Variants in GSTM5 observed in about 807,000 individuals in gnomAD.
GSTM5 encodes GST class-mu 5.
In GSTM5, 24 loss-of-function variants were observed where a neutral mutation model predicts 29.0. The observed-to-expected ratio is 0.83, with a 90% confidence interval of 0.60 to 1.16. The LOEUF (loss-of-function observed/expected upper bound fraction) is 1.16. GSTM5 is among the 50% of genes most tolerant of loss of function. The pLI, the probability that GSTM5 is intolerant of heterozygous loss-of-function variation, is 0.00. For synonymous variants in GSTM5, 91 were observed against 93.6 expected (o/e 0.97, Z 0.16); for missense variants, 290 against 263.0 (o/e 1.10, Z -0.71).
Position 109,717,606 on chromosome 1 carries a change from T to A in GSTM5, c.*180T>A. 1 of 558,488 alleles carries A rather than the reference T, an allele frequency of 1.8e-6. No individual in the cohort carries two copies. The highest frequency in any genetic ancestry group is 2.0e-5 in the South Asian group (1 of 49,488). The allele number at this position is 558,488 out of a possible 1,614,324, so 34.6% of individuals were successfully genotyped here. A position where few individuals can be genotyped will look rare whatever the true frequency, so the allele number is the denominator to read the frequency against. On this transcript the variant is annotated 3_prime_UTR_variant, in exon 8 of 8. Coordinates refer to ENST00000256593, the MANE Select transcript of GSTM5 (RefSeq NM_000851.4). Reference sequence around the variant, plus strand: ...TCATCCCTCCCCGCATCGAGGCTCTTTAAAGCTTCAGCTCCCCACTGTCCT... The same window carrying A: ...TCATCCCTCCCCGCATCGAGGCTCTATAAAGCTTCAGCTCCCCACTGTCCT...
At chr1:109,713,097 T>C (rs2101312487) in intron 2 of GSTM5, 22 bp from the exon 3 acceptor site, 2 of 1,612,168 alleles carry the variant, frequency 1.2e-6, no homozygotes, top group South Asian at 2.2e-5. Flanking sequence ...GGAGGTTTGT[T>C]TTCACTTCTT....
chr1:109,712,517 C>G (rs1648589387), intron 1 of GSTM5, 101 bp from the exon 2 acceptor site: 8 of 1,423,160 alleles, frequency 5.6e-6, no homozygotes, highest in Non-Finnish European at 7.9e-6. Flanking sequence ...GAGGAGGCGA[C>G]GGGTACGTGC....
intron 5 of GSTM5, 191 bp downstream of exon 5, chr1:109,713,952 G>A (rs1230456232): frequency 2.2e-6 from 1 of 461,562 alleles, no homozygotes; most frequent in East Asian, 4.9e-5. Flanking sequence ...TGGAGAACCA[G>A]ACCACGGACA....
intron 5 of GSTM5, 158 bp from the exon 6 acceptor site, chr1:109,714,789 T>C (rs1557971975): frequency 1.4e-6 from 1 of 701,884 alleles, no homozygotes; most frequent in South Asian, 1.7e-5. Context: ...TAATAAATGC[T>C]GATGTATCCA....
chr1:109,712,434 C>T lies in GSTM5; in HGVS notation c.36+86C>T, dbSNP rs377173992. 1.8e-4 allele frequency: 274 copies of T among 1,501,746 alleles called. 1 individual carries two copies. In the African/African-American group the frequency reaches 3.3e-3, roughly 18 times the overall value. The allele number at this position is 1,501,746 out of a possible 1,614,324, so 93.0% of individuals were successfully genotyped here. A position where few individuals can be genotyped will look rare whatever the true frequency, so the allele number is the denominator to read the frequency against. On this transcript the variant is annotated intron_variant, in intron 1 of 7. Transcript: ENST00000256593. ...TGCAGGACTGGCTCTAGGGACCGTT[C>T]CTCTTCAGGGCTGCCCGCCTCAGAA...
intron 1 of GSTM5, 32 bp downstream of exon 1, chr1:109,712,380 G>C (rs776229738): frequency 6.2e-7 from 1 of 1,611,086 alleles, no homozygotes; most frequent in Non-Finnish European, 8.5e-7. Flanking sequence ...GGTGGGACAG[G>C]GGGCGGAGGC....
Position 109,714,942 on chromosome 1 carries a change from C to T in GSTM5, c.361-5C>T, listed in dbSNP as rs1159574423. 1 of 1,614,084 alleles carries T rather than the reference C, an allele frequency of 6.2e-7. No individual in the cohort carries two copies. The highest frequency in any genetic ancestry group is 8.5e-7 in the Non-Finnish European group (1 of 1,179,998). On this transcript the variant is annotated splice_polypyrimidine_tract_variant and splice_region_variant and intron_variant, in intron 5 of 7. Coordinates refer to ENST00000256593, the MANE Select transcript of GSTM5 (RefSeq NM_000851.4). ...GAGGGTGGTGACAGCTGTTTTCTGC[C>T]TCAGGAGAAACTGAAGCCAAAATAC...
At chr1:109,713,587 G>A (rs1648641845) in intron 4 of GSTM5, 22 bp downstream of exon 4, 2 of 1,614,100 alleles carry the variant, frequency 1.2e-6, no homozygotes, top group South Asian at 1.1e-5. Context: ...TGGCTGCAAT[G>A]TGCGGGGGGA....
chr1:109,715,000 C>T lies in GSTM5; in HGVS notation c.414C>T (p.Tyr138=). 6.2e-7 allele frequency: 1 copy of T among 1,614,252 alleles called. No individual in the cohort carries two copies. The highest frequency in any genetic ancestry group is 1.1e-5 in the South Asian group (1 of 91,090). The change falls in exon 6 of 8, where the codon TAC becomes TAT. Residue 138 remains tyrosine, a synonymous_variant. Coordinates refer to ENST00000256593, the MANE Select transcript of GSTM5 (RefSeq NM_000851.4). ...AACTCCCTGAAAAGCTAAAGCTCTA[C>T]TCAGAGTTTCTGGGGAAGCGGCCAT... ...LEELPEKLKL[Y]SEFLGKRPWF... is the part of the protein sequence containing the mutation.
chr1:109,712,373 G>A, intron 1 of GSTM5, 25 bp downstream of exon 1: 1 of 1,612,652 alleles, frequency 6.2e-7, no homozygotes, highest in Non-Finnish European at 8.5e-7. Flanking sequence ...TCTGGTGGGT[G>A]GGACAGGGGG....
In GSTM5 at chr1:109,717,454, G is replaced by A. The variant is rs150528860; in HGVS notation, c.*28G>A. ...CCCAGTGATGCCAGAAGATGGGAGG[G>A]AGGAGCCAACCTTGCTGCCTGCGAC... On this transcript the variant is annotated 3_prime_UTR_variant, in exon 8 of 8. Transcript: ENST00000256593. The A allele has an allele frequency of 7.2e-5, 111 of 1,550,490 alleles. 1 individual carries two copies. The highest frequency in any genetic ancestry group is 9.5e-5 in the Non-Finnish European group (107 of 1,122,058).
At chr1:109,712,575 G>A (rs767207301) in intron 1 of GSTM5, 43 bp from the exon 2 acceptor site, 2 of 1,602,852 alleles carry the variant, frequency 1.2e-6, no homozygotes, top group Non-Finnish European at 1.7e-6. Context: ...ACCAAGTCAG[G>A]GACCCTCCAT....
chr1:109,715,593 C>G, intron 7 of GSTM5: 1 of 1,149,518 alleles, frequency 8.7e-7, no homozygotes, highest in Admixed American at 2.9e-5. Context: ...AAGGAGAAGC[C>G]TCAGGCCTCA....
At position 109,713,083 on chromosome 1, in the gene GSTM5, C is replaced by T. The variant is rs552476166; in HGVS notation, c.113-36C>T. 2.4e-5 allele frequency: 39 copies of T among 1,611,630 alleles called. No individual in the cohort carries two copies. In the South Asian group the frequency reaches 3.3e-4, roughly 14 times the overall value. On this transcript the variant is annotated intron_variant, in intron 2 of 7. Transcript: ENST00000256593. ...GGTCCCCGGGAAGGAGGGCTGGGCT[C>T]TGGGGAGGTTTGTTTTCACTTCTTC...
chr1:109,713,840 T>A, intron 5 of GSTM5, 79 bp downstream of exon 5: 1 of 1,188,392 alleles, frequency 8.4e-7, no homozygotes. Context: ...CAAAGTCAGG[T>A]CTGTAGCAGA....
At chr1:109,716,169 GT>G (rs779458511) in intron 7 of GSTM5, 5 of 255,678 alleles carry the variant, frequency 2.0e-5, no homozygotes, top group Non-Finnish European at 3.1e-5. Context: ...CTGTGTTGAA[GT>G]TGTTTGAGAG....
At position 109,717,511 on chromosome 1, in the gene GSTM5, C is replaced by G; in HGVS notation, c.*85C>G. The G allele has an allele frequency of 1.1e-6, 1 of 932,976 alleles. No homozygotes were observed. The highest frequency in any genetic ancestry group is 1.3e-5 in the South Asian group (1 of 76,172). The allele number at this position is 932,976 out of a possible 1,614,324, so 57.8% of individuals were successfully genotyped here. The stretch of plus-strand genomic sequence containing the variant: ...GGACAGCCTGACTCCCTGGACCTGC[C>G]TTCTTCCTTTTTCCTTCTTTCTACT... On this transcript the variant is annotated 3_prime_UTR_variant, in exon 8 of 8. Coordinates refer to ENST00000256593, the MANE Select transcript of GSTM5 (RefSeq NM_000851.4).
chr1:109,715,512 G>C, intron 7 of GSTM5: 1 of 1,464,656 alleles, frequency 6.8e-7, no homozygotes, highest in Non-Finnish European at 9.0e-7. Flanking sequence ...AGAGCCAGTG[G>C]AGGCTGTGCT....
rs551376441 is a variant in GSTM5, at chr1:109,716,119, C to T, written c.567+879C>T. 2.1e-5 allele frequency: 7 copies of T among 325,870 alleles called. 1 individual carries two copies. Among genetic ancestry groups the T allele is most frequent in the South Asian group, 1.8e-4 (7 of 39,470 alleles). 20.2% of individuals were successfully genotyped at this position (325,870 alleles called of 1,614,324 possible). On this transcript the variant is annotated intron_variant, in intron 7 of 7. Transcript: ENST00000256593. ...TGTGTGGCACCACCTGGGTACCGGGCCTGGGGCCTGCCCCTCACTCACGGG... is the reference window on the plus strand; with the variant it reads ...TGTGTGGCACCACCTGGGTACCGGGTCTGGGGCCTGCCCCTCACTCACGGG...
Sources: gnomAD v4.1 joint callset for allele counts on GRCh38, gnomAD v4.1.1 for gene constraint, MANE v1.5 for transcripts, NCBI Gene and HGNC (gene_info 2026-07-23, HGNC 2026-07-21) for gene names.